Variants in PPP1R42 observed in about 807,000 individuals in gnomAD.
PPP1R42 encodes leucine rich repeat containing 67.
PPP1R42 carries 34 observed loss-of-function variants against 31.0 expected under a neutral mutation model. The observed-to-expected ratio is 1.10, with a 90% CI of 0.83 to 1.46. The LOEUF is 1.46. Ranked by LOEUF, PPP1R42 falls within the 40% of genes most tolerant of loss-of-function variation. The probability of loss-of-function intolerance (pLI) is 0.00; values close to 1 mark genes in which losing one functional copy is unlikely to be tolerated. For synonymous variants in PPP1R42, 103 were observed against 109.8 expected, an observed-to-expected ratio of 0.94 and a Z score of 0.39; for missense variants, 268 against 303.0, an observed-to-expected ratio of 0.88 and a Z score of 0.86.
chr8:67,012,190 C>G (rs996515616), intron 4 of PPP1R42, among the ~76,000 whole-genome samples: 16 of 151,996 alleles, frequency 1.1e-4, no homozygotes, highest in African/African-American at 3.6e-4. Flanking sequence ...GAGCAGAGGT[C>G]GTGCCACTGC....
intron 6 of PPP1R42, chr8:66,984,730 T>C: frequency 1.2e-6 from 2 of 1,607,288 alleles, no homozygotes; most frequent in Non-Finnish European, 1.7e-6. Flanking sequence ...AGCTGTGACA[T>C]GGGCTTCTAC....
chr8:67,010,175 T>C (rs747324820), intron 5 of PPP1R42, among the ~76,000 whole-genome samples: 1 of 152,190 alleles, frequency 6.6e-6, no homozygotes, highest in Non-Finnish European at 1.5e-5. Context: ...CTACACTGAG[T>C]AGTATTAGTG....
intron 6 of PPP1R42, 140 bp from the exon 7 acceptor site, chr8:66,982,320 T>C (rs1163354923): frequency 7.2e-6 from 3 of 416,860 alleles, no homozygotes; most frequent in African/African-American, 6.1e-5. Flanking sequence ...ACATTAATTA[T>C]ACAACGCATG....
chr8:66,967,589 A>G (rs2130908795), intron 7 of PPP1R42, among the ~76,000 whole-genome samples: 1 of 152,210 alleles, frequency 6.6e-6, no homozygotes, highest in Middle Eastern at 3.4e-3. Context: ...GTGGTGAAGG[A>G]AAGTTGTTTT....
chr8:66,991,658 C>T (rs1445789065), intron 5 of PPP1R42, among the ~76,000 whole-genome samples: 1 of 152,168 alleles, frequency 6.6e-6, no homozygotes, highest in Non-Finnish European at 1.5e-5. Context: ...AAGGAAGAGT[C>T]ACACCTCTTT....
Position 67,014,345 on chromosome 8 carries a change from A to G in PPP1R42, c.296+81T>C, listed in dbSNP as rs1222414076. 2.5e-5 allele frequency: 19 copies of G among 765,580 alleles called. No homozygotes were observed. In the South Asian group the frequency reaches 5.9e-4, roughly 24 times the overall value. 47.4% of individuals were successfully genotyped at this position (765,580 alleles called of 1,614,324 possible). A position where few individuals can be genotyped will look rare whatever the true frequency, so the allele number is the denominator to read the frequency against. Reference sequence around the variant, plus strand: ...TTACTTTTGGAATTTAATGCAAAAAATGGAAATGCCTTCATGCAAAAAAAT... The same window carrying G: ...TTACTTTTGGAATTTAATGCAAAAAGTGGAAATGCCTTCATGCAAAAAAAT... On this transcript the variant is annotated intron_variant, in intron 3 of 7. Coordinates refer to ENST00000685739, the MANE Select transcript of PPP1R42 (RefSeq NM_001364910.1).
chr8:67,018,923 T>C (rs1480166147), intron 1 of PPP1R42, among the ~76,000 whole-genome samples: 1 of 141,642 alleles, frequency 7.1e-6, no homozygotes, highest in East Asian at 2.2e-4. Context: ...TCCGCCTCCC[T>C]GGTTAAAGCA....
At chr8:67,004,675 G>C (rs1585669213) in intron 5 of PPP1R42, among the ~76,000 whole-genome samples, 1 of 152,150 alleles carries the variant, frequency 6.6e-6, no homozygotes, top group Non-Finnish European at 1.5e-5. Flanking sequence ...AATTATAGTG[G>C]GATTTTAAAG....
intron 5 of PPP1R42, among the ~76,000 whole-genome samples, chr8:66,998,766 A>G (rs1815402475): frequency 6.6e-6 from 1 of 152,222 alleles, no homozygotes. Context: ...ATGGTGCTGA[A>G]TATCATGCAT....
intron 5 of PPP1R42, among the ~76,000 whole-genome samples, chr8:66,997,569 C>T (rs1457940041): frequency 1.5e-5 from 2 of 130,486 alleles, no homozygotes; most frequent in African/African-American, 5.7e-5. Flanking sequence ...TCCCAAGAAA[C>T]ACGGTCTCAC....
At chr8:67,021,368 T>G in intron 1 of PPP1R42, 1 of 152,170 alleles carries the variant, frequency 6.6e-6, no homozygotes, top group East Asian at 1.9e-4. Flanking sequence ...TTATAAAATC[T>G]TAAGCCTCAG....
At chr8:66,977,389 G>C (rs1422269832) in intron 7 of PPP1R42, among the ~76,000 whole-genome samples, 1 of 150,668 alleles carries the variant, frequency 6.6e-6, no homozygotes, top group African/African-American at 2.4e-5. Context: ...CCAGGCAGGA[G>C]TGCAGTGGCG....
intron 7 of PPP1R42, among the ~76,000 whole-genome samples, chr8:66,977,187 C>A (rs959689084): frequency 2.0e-5 from 3 of 152,056 alleles, no homozygotes; most frequent in Non-Finnish European, 4.4e-5. Flanking sequence ...CGTGTGCCAC[C>A]ACGCTCAGCT....
chr8:66,984,143 G>T, intron 6 of PPP1R42: 1 of 1,591,136 alleles, frequency 6.3e-7, no homozygotes, highest in Non-Finnish European at 8.6e-7. Context: ...TCAATCAGTG[G>T]ACTCTACACA....
chr8:67,017,570 T>A (rs1447399275), intron 2 of PPP1R42, 49 bp downstream of exon 2: 19 of 1,091,026 alleles, frequency 1.7e-5, no homozygotes, highest in Non-Finnish European at 2.3e-5. Context: ...AATTCCTAAA[T>A]TTTACATTAT....
chr8:66,980,936 G>A (rs113172852), intron 7 of PPP1R42, among the ~76,000 whole-genome samples: 7 of 151,714 alleles, frequency 4.6e-5, no homozygotes, highest in Non-Finnish European at 8.8e-5. Context: ...TCCACCTCCC[G>A]GGTTCAAGTG....
At chr8:66,976,709 C>A (rs983247342) in intron 7 of PPP1R42, among the ~76,000 whole-genome samples, 1 of 151,694 alleles carries the variant, frequency 6.6e-6, no homozygotes, top group Non-Finnish European at 1.5e-5. Context: ...TCCCCCATTT[C>A]CATCCGCGTT....
At chr8:66,964,376 A>C in intron 7 of PPP1R42, 42 bp from the exon 8 acceptor site, 1 of 1,099,602 alleles carries the variant, frequency 9.1e-7, no homozygotes, top group Non-Finnish European at 1.2e-6. Context: ...AAATTAAAAA[A>C]ATGAAAGTAT....
At chr8:67,013,459 G>A (rs1815905294) in intron 3 of PPP1R42, among the ~76,000 whole-genome samples, 1 of 151,874 alleles carries the variant, frequency 6.6e-6, no homozygotes, top group South Asian at 2.1e-4. Flanking sequence ...GTTCACACCT[G>A]TAATCCCAGC....
Sources: allele counts gnomAD v4.1 joint callset (sites outside exome capture counted in the v4.1 genomes callset), GRCh38; gene constraint gnomAD v4.1.1; transcripts MANE v1.5; gene names NCBI Gene and HGNC (gene_info 2026-07-23, HGNC 2026-07-21).